The following FAM163A variants were observed in gnomAD, a reference collection of about 807,000 sequenced individuals.
FAM163A encodes the protein protein FAM163A.
In FAM163A, 7 loss-of-function variants were observed where a neutral mutation model predicts 12.0. The observed-to-expected ratio is 0.58, with a 90% CI of 0.33 to 1.10. The LOEUF is 1.10. Among genes scored for constraint, FAM163A ranks in the 50% least tolerant of loss-of-function variants. The probability of loss-of-function intolerance (pLI) is 0.03; values close to 1 mark genes in which losing one functional copy is unlikely to be tolerated. For synonymous variants in FAM163A, 101 were observed against 91.0 expected (o/e 1.11, Z -0.62); for missense variants, 202 against 218.6 (o/e 0.92, Z 0.48).
At chr1:179,742,637 C>CATA (rs1683788804), upstream of FAM163A, 1 of 152,266 alleles carries the variant, frequency 6.6e-6, no homozygotes, top group African/African-American at 2.4e-5. Context: ...GGCTGGGCTA[C>CATA]AGCACATAAG....
intron 1 of FAM163A, among the ~76,000 whole-genome samples, chr1:179,768,955 C>T (rs35698624): frequency 0.17 from 25,406 of 151,894 alleles, 2,841 homozygotes; most frequent in Non-Finnish European, 0.24. Context: ...TTTGTTTCAG[C>T]GCATTAATGG....
rs188635557 is a variant in FAM163A, at chr1:179,774,394, C to T, written c.-136+30971C>T. Among the ~76,000 whole-genome samples the T allele has an allele frequency of 2.0e-3, 303 of 152,348 alleles. 1 individual carries two copies. Among genetic ancestry groups the T allele is most frequent in the African/African-American group, 7.1e-3 (294 of 41,580 alleles). On this transcript the variant is annotated intron_variant, in intron 1 of 4. Transcript: ENST00000341785. ...CATGGATGCCCAGGGAAGTGGTGGG[C>T]TCCAAGGATGAGCTTTAGGGGTTTC... is the stretch of plus-strand genomic sequence containing the variant.
At chr1:179,731,201 C>T in the FAM163A span, among the ~76,000 whole-genome samples, 1 of 152,008 alleles carries the variant, frequency 6.6e-6, no homozygotes, top group Non-Finnish European at 1.5e-5. Context: ...AGTCAGGGGA[C>T]AAATATATTT....
chr1:179,758,925 G>A (rs1002835274), intron 1 of FAM163A, among the ~76,000 whole-genome samples: 5 of 152,158 alleles, frequency 3.3e-5, no homozygotes, highest in African/African-American at 1.2e-4. Flanking sequence ...ATCATGATAT[G>A]CCCTACTAGT....
At chr1:179,790,581 C>T (rs1691318684) in intron 1 of FAM163A, among the ~76,000 whole-genome samples, 1 of 152,132 alleles carries the variant, frequency 6.6e-6, no homozygotes, top group African/African-American at 2.4e-5. Flanking sequence ...ATAGCTTTGT[C>T]TCCCCTAAGA....
At chr1:179,771,141 G>A (rs1293214752) in intron 1 of FAM163A, among the ~76,000 whole-genome samples, 3 of 152,154 alleles carry the variant, frequency 2.0e-5, no homozygotes, top group African/African-American at 4.8e-5. Context: ...CACCCCATGC[G>A]GGACCAGGAC....
In FAM163A at chr1:179,744,101, C is replaced by T. The variant is rs541459674; in HGVS notation, c.-136+678C>T. ...TAAAGAGGGCGAAGTGCCTTCGCGG[C>T]GCGGCGTGGGCATGCAGGCGGCAGG... On this transcript the variant is annotated intron_variant, in intron 1 of 4. Transcript: ENST00000341785. Among the ~76,000 whole-genome samples, 44 of 152,288 alleles carry T rather than the reference C, an allele frequency of 2.9e-4. 1 individual carries two copies. In the South Asian group the frequency reaches 8.9e-3, roughly 31 times the overall value.
At chr1:179,800,561 A>T (rs936262974) in intron 1 of FAM163A, among the ~76,000 whole-genome samples, 6 of 152,232 alleles carry the variant, frequency 3.9e-5, no homozygotes, top group African/African-American at 1.4e-4. Flanking sequence ...CAGGCCTTCC[A>T]CAGGTGGACT....
chr1:179,772,054 A>G (rs1188213173), intron 1 of FAM163A, among the ~76,000 whole-genome samples: 1 of 152,128 alleles, frequency 6.6e-6, no homozygotes, highest in Admixed American at 6.5e-5. Context: ...CACAGTCTCT[A>G]GCCTGAACAT....
intron 1 of FAM163A, among the ~76,000 whole-genome samples, chr1:179,747,887 T>C (rs554002187): frequency 6.9e-6 from 1 of 145,362 alleles, no homozygotes; most frequent in East Asian, 2.1e-4. Context: ...TCTGTTTCTG[T>C]GTGTGCATTA....
Position 179,743,860 on chromosome 1 carries a change from C to G in FAM163A, c.-136+437C>G, listed in dbSNP as rs182899062. The stretch of plus-strand genomic sequence containing the variant: ...GCGCTTTCAGCCGGGCCGGACCTCA[C>G]GCGGACGCCGCTGCTGCTGCTGCGC... On this transcript the variant is annotated intron_variant, in intron 1 of 4. Transcript: ENST00000341785. Among the ~76,000 whole-genome samples, 856 of 152,268 alleles carry G rather than the reference C, an allele frequency of 5.6e-3. 9 individuals are homozygous for G. The highest frequency in any genetic ancestry group is 0.02 in the African/African-American group (824 of 41,578).
At position 179,815,605 on chromosome 1, in the gene FAM163A, G is replaced by A. The variant is rs1695250773; in HGVS notation, c.*1416G>A. 6.6e-6 allele frequency: 1 copy of A among 152,300 alleles called. No individual in the cohort carries two copies. The highest frequency in any genetic ancestry group is 2.1e-4 in the South Asian group (1 of 4,832). The allele number at this position is 152,300 out of a possible 1,614,324, so 9.4% of individuals were successfully genotyped here. Reference sequence around the variant, plus strand: ...AACTCCGACTTCCTACTTAGAATGTGGCAGTGGCTTTGTGAGTGAGAATCC... The same window carrying A: ...AACTCCGACTTCCTACTTAGAATGTAGCAGTGGCTTTGTGAGTGAGAATCC... On this transcript the variant is annotated 3_prime_UTR_variant, in exon 5 of 5. Coordinates refer to ENST00000341785, the MANE Select transcript of FAM163A (RefSeq NM_173509.3).
chr1:179,786,227 C>A (rs1690605931), intron 1 of FAM163A, among the ~76,000 whole-genome samples: 1 of 152,170 alleles, frequency 6.6e-6, no homozygotes, highest in African/African-American at 2.4e-5. Flanking sequence ...CCACACAGGC[C>A]CTAACCTGGA....
At chr1:179,794,529 T>G (rs765338576) in intron 1 of FAM163A, among the ~76,000 whole-genome samples, 41 of 152,174 alleles carry the variant, frequency 2.7e-4, no homozygotes, top group Non-Finnish European at 5.7e-4. Flanking sequence ...AGACACACTT[T>G]GAGAAATTCT....
In FAM163A at chr1:179,762,367, G is replaced by T. The variant is rs1423407662; in HGVS notation, c.-136+18944G>T. 2.0e-5 allele frequency among the ~76,000 whole-genome samples: 3 copies of T among 152,154 alleles called. No homozygotes were observed. In the East Asian group the frequency reaches 5.8e-4, roughly 29 times the overall value. On this transcript the variant is annotated intron_variant, in intron 1 of 4. Transcript: ENST00000341785. The stretch of plus-strand genomic sequence containing the variant: ...AGAATTGGGATCATGCTGGGTATGT[G>T]GGTCAGTCAGTCCTGTCACGGTTTG...
the FAM163A span, among the ~76,000 whole-genome samples, chr1:179,729,943 G>A: frequency 1.3e-5 from 2 of 152,212 alleles, no homozygotes; most frequent in African/African-American, 2.4e-5. Context: ...TCTGGGTGCT[G>A]CACTTGTGCT....
At chr1:179,787,120 C>T (rs372149436) in intron 1 of FAM163A, among the ~76,000 whole-genome samples, 1 of 152,174 alleles carries the variant, frequency 6.6e-6, no homozygotes, top group African/African-American at 2.4e-5. Context: ...GAGATTATTT[C>T]GAAAACATTA....
At chr1:179,728,955 G>A in the FAM163A span, among the ~76,000 whole-genome samples, 1 of 152,074 alleles carries the variant, frequency 6.6e-6, no homozygotes, top group African/African-American at 2.4e-5. Context: ...GTTAACCCCA[G>A]CTTCTCAGTA....
rs34207262 is a variant in FAM163A, at chr1:179,777,807, CTG to C, written c.-135-29988_-135-29987del. Reference sequence around the variant, plus strand: ...GAAAGAAAAACTAAGCTCCTCCACACTGTGATTTGGTTTAACTGACTGTATTT... The same window carrying C: ...GAAAGAAAAACTAAGCTCCTCCACACTGATTTGGTTTAACTGACTGTATTT... On this transcript the variant is annotated intron_variant, in intron 1 of 4. Transcript: ENST00000341785. Among the ~76,000 whole-genome samples the C allele has an allele frequency of 4.7e-3, 712 of 152,346 alleles. 5 individuals carry two copies. The highest frequency in any genetic ancestry group is 0.014 in the Middle Eastern group (4 of 294).
Sources: allele counts gnomAD v4.1 joint callset (sites outside exome capture counted in the v4.1 genomes callset), GRCh38; gene constraint gnomAD v4.1.1; transcripts MANE v1.5; gene names NCBI Gene and HGNC (gene_info 2026-07-23, HGNC 2026-07-21).